ABCB10: variants seen among roughly 807,000 people sequenced by gnomAD.
ABCB10 encodes ATP binding cassette subfamily B member 10, also known as ATP-binding cassette sub-family B member 10, mitochondrial.
ABCB10 carries 54 observed loss-of-function variants against 65.4 expected under a neutral mutation model. The observed-to-expected ratio is 0.83, with a 90% confidence interval of 0.66 to 1.04. ABCB10 has a LOEUF of 1.04. ABCB10 is among the 50% of genes least tolerant of loss of function. The pLI is 0.00. For synonymous variants in ABCB10, 418 were observed against 406.5 expected, an observed-to-expected ratio of 1.03 and a Z score of -0.34; for missense variants, 846 against 976.6, an observed-to-expected ratio of 0.87 and a Z score of 1.78.
At chr1:229,523,662 T>G (rs1449312936) in intron 10 of ABCB10, among the ~76,000 whole-genome samples, 1 of 152,100 alleles carries the variant, frequency 6.6e-6, no homozygotes, top group Non-Finnish European at 1.5e-5. Flanking sequence ...GGGAATCTAT[T>G]ACTAGGTGCT....
intron 1 of ABCB10, among the ~76,000 whole-genome samples, chr1:229,553,476 C>G (rs762209839): frequency 6.6e-6 from 1 of 152,106 alleles, no homozygotes; most frequent in Non-Finnish European, 1.5e-5. Flanking sequence ...GAGCACTGTT[C>G]TAGTGCCCTA....
At position 229,558,640 on chromosome 1, in the gene ABCB10, G is replaced by C. The variant is rs769361678; in HGVS notation, c.13C>G (p.Pro5Ala). 2 of 1,372,610 alleles carry C rather than the reference G, an allele frequency of 1.5e-6. No individual in the cohort carries two copies. Among genetic ancestry groups the C allele is most frequent in the South Asian group, 3.1e-5 (2 of 64,312 alleles). 85.0% of individuals were successfully genotyped at this position (1,372,610 alleles called of 1,614,324 possible). ...TCGAGCAGCCGCAGCGGCCAGGCAG[G>C]GGGGCCTCGCATGGCGCTGCGTGCG... MRGP[P>A]AWPLRLLEPP... The change falls in exon 1 of 13, where the codon CCT becomes GCT. Residue 5 changes from proline to alanine, a missense_variant. Pro to Ala is a conservative substitution (Grantham distance 27). This residue lies in a region of ABCB10 where 214 missense variants were observed against 173.5 expected (regional missense o/e 1.23). Transcript: ENST00000344517.
At chr1:229,553,506 G>A (rs767903964) in intron 1 of ABCB10, among the ~76,000 whole-genome samples, 7 of 152,146 alleles carry the variant, frequency 4.6e-5, no homozygotes, top group Non-Finnish European at 8.8e-5. Context: ...CAAACTTAGG[G>A]CGAAGTAGGC....
intron 11 of ABCB10, among the ~76,000 whole-genome samples, chr1:229,521,150 G>A (rs933504733): frequency 2.6e-5 from 4 of 151,968 alleles, no homozygotes; most frequent in African/African-American, 9.7e-5. Context: ...AAAAGAGAAT[G>A]CCCGCCTTTC....
intron 1 of ABCB10, among the ~76,000 whole-genome samples, chr1:229,554,094 G>T (rs1324870331): frequency 6.6e-6 from 1 of 152,212 alleles, no homozygotes; most frequent in Non-Finnish European, 1.5e-5. Flanking sequence ...GGTAACTTTG[G>T]TTTTTAGACA....
intron 1 of ABCB10, among the ~76,000 whole-genome samples, chr1:229,554,335 T>C (rs1178521017): frequency 3.3e-5 from 5 of 152,174 alleles, no homozygotes; most frequent in Non-Finnish European, 5.9e-5. Flanking sequence ...TGAGCCCCCA[T>C]GTGTCTGGTG....
intron 1 of ABCB10, among the ~76,000 whole-genome samples, chr1:229,551,222 C>G (rs1047109273): frequency 6.6e-6 from 1 of 152,164 alleles, no homozygotes; most frequent in Non-Finnish European, 1.5e-5. Context: ...CTTGCCCCTC[C>G]TTAAGGTCTT....
Position 229,547,569 on chromosome 1 carries a change from C to A in ABCB10, c.851G>T (p.Arg284Leu), listed in dbSNP as rs745334846. Residue 284 changes from arginine to leucine, a missense_variant, in exon 3 of 13, where the codon CGC becomes CTC. Around this residue, in one of 2 missense-constraint regions of ABCB10, gnomAD observed 632 missense variants for 803.2 expected, o/e 0.79. Coordinates refer to ENST00000344517, the MANE Select transcript of ABCB10 (RefSeq NM_012089.3). ...ATCTGAGAGGTTTTCAGTCACTGAG[C>A]GCCCCAGGAGTGCAGTGTCTGATGA... is the stretch of plus-strand genomic sequence containing the variant. ...RLSSDTALLG[R>L]SVTENLSDGL... The A allele has an allele frequency of 1.2e-6, 2 of 1,614,010 alleles. No homozygotes were observed. The highest frequency in any genetic ancestry group is 2.2e-5 in the East Asian group (1 of 44,888).
chr1:229,535,231 G>A (rs1251757558), intron 6 of ABCB10: 2 of 151,890 alleles, frequency 1.3e-5, no homozygotes, highest in Non-Finnish European at 2.9e-5. Flanking sequence ...ATACTCCTTG[G>A]TATTTACCTA....
chr1:229,537,829 G>T (rs1662756326), intron 6 of ABCB10, among the ~76,000 whole-genome samples: 1 of 152,014 alleles, frequency 6.6e-6, no homozygotes, highest in South Asian at 2.1e-4. Context: ...AAACATAAAA[G>T]CACTTAAAAT....
intron 10 of ABCB10, among the ~76,000 whole-genome samples, chr1:229,523,620 T>A (rs983783030): frequency 1.3e-5 from 2 of 152,130 alleles, no homozygotes; most frequent in Admixed American, 1.3e-4. Context: ...TTAGGTCCCC[T>A]CTGAGTCATG....
At chr1:229,554,195 G>A (rs1663188173) in intron 1 of ABCB10, among the ~76,000 whole-genome samples, 2 of 152,196 alleles carry the variant, frequency 1.3e-5, no homozygotes, top group Non-Finnish European at 2.9e-5. Flanking sequence ...GGGAGATGGA[G>A]GCTGAGTGAA....
At chr1:229,544,286 G>A (rs564816831) in intron 3 of ABCB10, among the ~76,000 whole-genome samples, 9 of 151,894 alleles carry the variant, frequency 5.9e-5, no homozygotes, top group African/African-American at 9.7e-5. Context: ...GCATGGTGGC[G>A]CACGCCTGTG....
intron 7 of ABCB10, among the ~76,000 whole-genome samples, 198 bp from the exon 8 acceptor site, chr1:229,530,606 A>ACCT (rs1224807390): frequency 3.3e-5 from 5 of 152,186 alleles, no homozygotes; most frequent in Admixed American, 6.5e-5. Flanking sequence ...TACTATGTCC[A>ACCT]AGGTACTATA....
At chr1:229,556,858 G>A (rs1663260875) in intron 1 of ABCB10, among the ~76,000 whole-genome samples, 1 of 152,170 alleles carries the variant, frequency 6.6e-6, no homozygotes, top group South Asian at 2.1e-4. Flanking sequence ...CTGAGCGCCT[G>A]CTCTGTGCCG....
intron 1 of ABCB10, among the ~76,000 whole-genome samples, chr1:229,550,939 C>T (rs570295910): frequency 3.2e-4 from 49 of 151,964 alleles, no homozygotes; most frequent in African/African-American, 1.2e-3. Context: ...CATAATAAGA[C>T]AAATGCATTT....
chr1:229,526,080 T>C lies in ABCB10; in HGVS notation c.1762A>G (p.Ile588Val), dbSNP rs779598408. 1 of 1,613,636 alleles carries C rather than the reference T, an allele frequency of 6.2e-7. No individual in the cohort carries two copies. The highest frequency in any genetic ancestry group is 1.7e-5 in the Admixed American group (1 of 59,862). ...GAAGGGTCATCAGCACCATAAGCAA[T>C]GTTCTCAGCAATAGAGCAAGAAAAC... ...ILFSCSIAEN[I>V]AYGADDPSSV... Residue 588 changes from isoleucine to valine, a missense_variant, in exon 10 of 13, where the codon ATT becomes GTT. This residue lies in a region of ABCB10 where 632 missense variants were observed against 803.2 expected (regional missense o/e 0.79). Coordinates refer to ENST00000344517, the MANE Select transcript of ABCB10 (RefSeq NM_012089.3).
chr1:229,529,425 C>T (rs932538005), intron 8 of ABCB10, among the ~76,000 whole-genome samples: 3 of 147,006 alleles, frequency 2.0e-5, no homozygotes, highest in African/African-American at 7.5e-5. Flanking sequence ...AATCCCAGCA[C>T]TTTGGGAGGC....
chr1:229,557,605 T>C (rs1663288051), intron 1 of ABCB10, among the ~76,000 whole-genome samples: 1 of 152,136 alleles, frequency 6.6e-6, no homozygotes, highest in Non-Finnish European at 1.5e-5. Context: ...ATCACTGGTG[T>C]GGCCTGTTGA....
Sources: allele counts gnomAD v4.1 joint callset (sites outside exome capture counted in the v4.1 genomes callset), GRCh38; gene constraint gnomAD v4.1.1; regional missense constraint gnomAD v4.1.1; transcripts MANE v1.5; gene names NCBI Gene and HGNC (gene_info 2026-07-23, HGNC 2026-07-21).